NOVA1: variants seen among roughly 807,000 people sequenced by gnomAD.
NOVA1 encodes the protein RNA-binding protein Nova-1.
In NOVA1, 7 loss-of-function variants were observed where a neutral mutation model predicts 38.0. The ratio of observed to expected loss-of-function variants is 0.18; its 90% CI spans 0.10 to 0.35. The LOEUF is 0.35. Among genes scored for constraint, NOVA1 ranks in the 10% least tolerant of loss-of-function variants. The probability of loss-of-function intolerance (pLI) is 1.00; values close to 1 mark genes in which losing one functional copy is unlikely to be tolerated. For synonymous variants in NOVA1, 270 were observed against 232.5 expected, an observed-to-expected ratio of 1.16 and a Z score of -1.47; for missense variants, 460 against 616.0, an observed-to-expected ratio of 0.75 and a Z score of 2.68.
At chr14:26,584,865 A>C (rs1255936899) in intron 2 of NOVA1, among the ~76,000 whole-genome samples, 1 of 151,552 alleles carries the variant, frequency 6.6e-6, no homozygotes, top group Admixed American at 6.6e-5. Context: ...ACAGTTATCA[A>C]ACTTGTAACC....
chr14:26,534,527 A>G (rs577185817), intron 2 of NOVA1, among the ~76,000 whole-genome samples: 1 of 152,324 alleles, frequency 6.6e-6, no homozygotes, highest in South Asian at 2.1e-4. Flanking sequence ...TCACATGGAG[A>G]TTTTATAACT....
rs770084600 is a variant in NOVA1, at chr14:26,595,513, A to G, written c.177T>C (p.Tyr59=). The G allele has an allele frequency of 8.1e-6, 13 of 1,613,868 alleles. No homozygotes were observed. In the Middle Eastern group the frequency reaches 6.6e-4, roughly 82 times the overall value. ...CCTTCCCAATTATAGATCCAGCAGC[A>G]TAACTAGGTATGAGAACCTTTAGAA... The part of the protein sequence containing the change: ...QYFLKVLIPS[Y]AAGSIIGKGG... Residue 59 remains tyrosine, a synonymous_variant, in exon 2 of 5, where the codon TAT becomes TAC. Transcript: ENST00000539517.
chr14:26,580,871 A>C (rs1893173217), intron 2 of NOVA1, among the ~76,000 whole-genome samples: 1 of 152,088 alleles, frequency 6.6e-6, no homozygotes, highest in Admixed American at 6.6e-5. Context: ...TTTTAGGGCC[A>C]CATTAATGTA....
chr14:26,566,905 A>G (rs1344087640), intron 2 of NOVA1, among the ~76,000 whole-genome samples: 1 of 152,184 alleles, frequency 6.6e-6, no homozygotes, highest in Admixed American at 6.5e-5. Flanking sequence ...ATCAATCCTT[A>G]GACAAACATT....
At chr14:26,475,436 A>G (rs946858377) in intron 3 of NOVA1, among the ~76,000 whole-genome samples, 1 of 152,228 alleles carries the variant, frequency 6.6e-6, no homozygotes, top group African/African-American at 2.4e-5. Flanking sequence ...TTTCTGATAT[A>G]CATCATGAAG....
chr14:26,466,040 T>C (rs1884104576), intron 4 of NOVA1, among the ~76,000 whole-genome samples: 1 of 151,842 alleles, frequency 6.6e-6, no homozygotes, highest in Admixed American at 6.6e-5. Context: ...ATGGAGAAGG[T>C]GAATTTTGAA....
chr14:26,495,505 G>C (rs962023324), intron 2 of NOVA1, among the ~76,000 whole-genome samples: 1 of 151,896 alleles, frequency 6.6e-6, no homozygotes, highest in Non-Finnish European at 1.5e-5. Flanking sequence ...TTTTGTTGTT[G>C]TTTATTATAC....
At chr14:26,502,607 A>G (rs1030498199) in intron 2 of NOVA1, among the ~76,000 whole-genome samples, 1 of 80,642 alleles carries the variant, frequency 1.2e-5, no homozygotes, top group South Asian at 3.2e-4. Flanking sequence ...ATGTTTCCAG[A>G]AAAAAAAAAA....
chr14:26,596,146 A>T, intron 1 of NOVA1: 2 of 234,270 alleles, frequency 8.5e-6, no homozygotes, highest in South Asian at 5.3e-5. Flanking sequence ...GAAATAACTC[A>T]GTGTGGTGGA....
intron 2 of NOVA1, among the ~76,000 whole-genome samples, chr14:26,560,867 C>G (rs1891777362): frequency 6.6e-6 from 1 of 152,110 alleles, no homozygotes; most frequent in Admixed American, 6.6e-5. Context: ...TTTCATATAA[C>G]TATTATTATT....
intron 2 of NOVA1, among the ~76,000 whole-genome samples, chr14:26,555,500 T>A (rs1041061307): frequency 1.3e-5 from 2 of 152,126 alleles, no homozygotes; most frequent in Non-Finnish European, 2.9e-5. Context: ...TCATTCCTTC[T>A]CAGAGGTACA....
intron 4 of NOVA1, among the ~76,000 whole-genome samples, chr14:26,467,128 G>A (rs933591713): frequency 6.6e-6 from 1 of 152,114 alleles, no homozygotes; most frequent in Non-Finnish European, 1.5e-5. Flanking sequence ...TTGAGACCTG[G>A]AGCACTTCAC....
chr14:26,590,237 G>C (rs952192583), intron 2 of NOVA1, among the ~76,000 whole-genome samples: 19 of 151,948 alleles, frequency 1.3e-4, no homozygotes, highest in African/African-American at 4.3e-4. Flanking sequence ...AGAGATGTTT[G>C]TCAGTCAGAT....
intron 2 of NOVA1, among the ~76,000 whole-genome samples, chr14:26,585,996 C>CAT (rs1242811721): frequency 6.6e-6 from 1 of 151,330 alleles, no homozygotes; most frequent in Non-Finnish European, 1.5e-5. Flanking sequence ...TCAAATGGTT[C>CAT]ATTCAGTCAT....
chr14:26,495,742 C>T (rs1268804784), intron 2 of NOVA1, among the ~76,000 whole-genome samples: 1 of 147,536 alleles, frequency 6.8e-6, no homozygotes, highest in African/African-American at 2.5e-5. Flanking sequence ...TGAGAATATG[C>T]GGTGTTTGGT....
intron 2 of NOVA1, among the ~76,000 whole-genome samples, chr14:26,482,308 GA>G (rs1885535384): frequency 6.6e-6 from 1 of 151,890 alleles, no homozygotes; most frequent in Non-Finnish European, 1.5e-5. Context: ...AAAAAGGAAA[GA>G]AAAAAGGAGA....
chr14:26,501,383 C>A, intron 2 of NOVA1, among the ~76,000 whole-genome samples: 1 of 151,804 alleles, frequency 6.6e-6, no homozygotes, highest in East Asian at 1.9e-4. Flanking sequence ...GTGGATTCGA[C>A]TGCCTATGAA....
chr14:26,449,709 C>T (rs1241808186), intron 4 of NOVA1, among the ~76,000 whole-genome samples: 2 of 151,938 alleles, frequency 1.3e-5, no homozygotes, highest in Non-Finnish European at 2.9e-5. Context: ...AATAATTAGT[C>T]TAATTATTCG....
intron 2 of NOVA1, among the ~76,000 whole-genome samples, chr14:26,522,947 T>C (rs1222746549): frequency 6.6e-6 from 1 of 152,212 alleles, no homozygotes; most frequent in Non-Finnish European, 1.5e-5. Flanking sequence ...TCTCATTAGA[T>C]TCTACTTCTA....
Sources: allele counts gnomAD v4.1 joint callset (sites outside exome capture counted in the v4.1 genomes callset), GRCh38; gene constraint gnomAD v4.1.1; transcripts MANE v1.5; gene names NCBI Gene and HGNC (gene_info 2026-07-23, HGNC 2026-07-21).